MRTFB: variants seen among roughly 807,000 people sequenced by gnomAD.
The protein encoded by MRTFB is myocardin related transcription factor B, also known as myocardin-related transcription factor B.
A neutral mutation model predicts 104.2 loss-of-function variants in MRTFB; 29 were observed. The ratio of observed to expected loss-of-function variants is 0.28; its 90% CI spans 0.21 to 0.38. The LOEUF is 0.38. MRTFB is among the 10% of genes least tolerant of loss of function. The pLI, the probability that MRTFB is intolerant of heterozygous loss-of-function variation, is 1.00. For missense variants in MRTFB, 1,270 were observed against 1,341.6 expected, an observed-to-expected ratio of 0.95 and a Z score of 0.83; for synonymous variants, 535 against 519.5, an observed-to-expected ratio of 1.03 and a Z score of -0.41.
intron 8 of MRTFB, among the ~76,000 whole-genome samples, chr16:14,230,676 C>T (rs2042217913): frequency 6.6e-6 from 1 of 152,188 alleles, no homozygotes. Flanking sequence ...CACTTTTACA[C>T]TGTTGGTGGG....
chr16:14,177,511 T>C lies in MRTFB; in HGVS notation c.155-32732T>C, dbSNP rs555088196. 5.3e-5 allele frequency among the ~76,000 whole-genome samples: 8 copies of C among 152,308 alleles called. No individual in the cohort carries two copies. In the South Asian group the frequency reaches 1.7e-3, roughly 32 times the overall value. ...TGTGTCTTAAACTTAGATGATTTAG[T>C]CTTAAGTATAGCATATAATCTTAAA... On this transcript the variant is annotated intron_variant, in intron 3 of 16. Coordinates refer to ENST00000571589, the MANE Select transcript of MRTFB (RefSeq NM_001308142.2). The surrounding 1 kb of genome is among the most constrained non-coding windows in gnomAD (Gnocchi z 4.7).
In MRTFB at chr16:14,098,513, T is replaced by C. The variant is rs570436775; in HGVS notation, c.-64+19159T>C. 4.6e-5 allele frequency among the ~76,000 whole-genome samples: 7 copies of C among 152,338 alleles called. No homozygotes were observed. In the East Asian group the frequency reaches 9.6e-4, roughly 21 times the overall value. ...ATATTTTATCTCAGCCTATGACTTA[T>C]CTTTTCACCCTCTTAACATTCTTTC... On this transcript the variant is annotated intron_variant, in intron 2 of 16. Coordinates refer to ENST00000571589, the MANE Select transcript of MRTFB (RefSeq NM_001308142.2).
At chr16:14,117,120 C>A (rs1181311300) in intron 2 of MRTFB, among the ~76,000 whole-genome samples, 4 of 152,184 alleles carry the variant, frequency 2.6e-5, no homozygotes, top group Non-Finnish European at 5.9e-5. Context: ...ATAACTACTC[C>A]TTTTGCCTTT....
chr16:14,198,302 ATTTG>A (rs1350821331), intron 3 of MRTFB, among the ~76,000 whole-genome samples: 2 of 152,150 alleles, frequency 1.3e-5, no homozygotes, highest in East Asian at 1.9e-4. Flanking sequence ...GTGTACATGT[ATTTG>A]TTTGAGTACT....
At chr16:14,019,384 G>A in the MRTFB span, 1 of 152,192 alleles carries the variant, frequency 6.6e-6, no homozygotes, top group Admixed American at 6.5e-5. Context: ...ATTCTATGAA[G>A]CCAGCTGCTT....
At chr16:14,079,546 C>T (rs1239476154) in intron 2 of MRTFB, among the ~76,000 whole-genome samples, 192 bp downstream of exon 2, 1 of 152,120 alleles carries the variant, frequency 6.6e-6, no homozygotes, top group Non-Finnish European at 1.5e-5. Flanking sequence ...TTGACGTTCT[C>T]AACCTCTTCG....
intron 2 of MRTFB, among the ~76,000 whole-genome samples, chr16:14,113,320 A>G (rs951151515): frequency 1.3e-5 from 2 of 152,236 alleles, no homozygotes; most frequent in Non-Finnish European, 2.9e-5. Context: ...CTGGGATTAC[A>G]GGCGTGAGCC....
intron 3 of MRTFB, among the ~76,000 whole-genome samples, chr16:14,183,395 C>CA: frequency 6.6e-6 from 1 of 152,120 alleles, no homozygotes; most frequent in Non-Finnish European, 1.5e-5. Context: ...TTCAAGAACT[C>CA]AATGTCATAT....
intron 15 of MRTFB, among the ~76,000 whole-genome samples, chr16:14,257,491 T>C (rs2043548097): frequency 6.6e-6 from 1 of 151,822 alleles, no homozygotes; most frequent in Non-Finnish European, 1.5e-5. Context: ...AGCTAGTCCT[T>C]CCCCTACCAC....
chr16:14,017,971 C>G, the MRTFB span, among the ~76,000 whole-genome samples: 4 of 151,762 alleles, frequency 2.6e-5, no homozygotes, highest in Non-Finnish European at 5.9e-5. Flanking sequence ...ATCCTCCTGC[C>G]TCGACCTCCC....
At chr16:14,208,863 T>C (rs975031415) in intron 3 of MRTFB, among the ~76,000 whole-genome samples, 2 of 152,202 alleles carry the variant, frequency 1.3e-5, no homozygotes, top group African/African-American at 4.8e-5. Flanking sequence ...GTGCATATCT[T>C]TTTTAAAGAA....
intron 2 of MRTFB, among the ~76,000 whole-genome samples, chr16:14,133,358 G>A (rs867345873): frequency 5.9e-5 from 9 of 152,194 alleles, no homozygotes. Context: ...GGCATGATTC[G>A]TCAGGATTTC....
chr16:14,255,024 GA>G (rs113854228), intron 15 of MRTFB, among the ~76,000 whole-genome samples: 1 of 152,036 alleles, frequency 6.6e-6, no homozygotes, highest in Admixed American at 6.6e-5. Flanking sequence ...TATCTGAAAT[GA>G]AAAAAATATA....
At chr16:14,009,335 C>A in the MRTFB span, 2 of 152,144 alleles carry the variant, frequency 1.3e-5, no homozygotes, top group Non-Finnish European at 2.9e-5. Context: ...TATAGAAGAA[C>A]TACAGCTGGT....
chr16:14,130,866 GA>G (rs1306246004), intron 2 of MRTFB, among the ~76,000 whole-genome samples: 1 of 152,082 alleles, frequency 6.6e-6, no homozygotes, highest in Non-Finnish European at 1.5e-5. Context: ...AGCAAAGAGG[GA>G]AAAACACCTT....
intron 2 of MRTFB, among the ~76,000 whole-genome samples, chr16:14,083,992 A>G (rs1003536132): frequency 2.0e-5 from 3 of 152,314 alleles, no homozygotes; most frequent in African/African-American, 7.2e-5. Context: ...TGATATTCTT[A>G]CTAACGTGAA....
chr16:14,046,680 C>T, the MRTFB span, among the ~76,000 whole-genome samples: 1 of 152,302 alleles, frequency 6.6e-6, no homozygotes, highest in Admixed American at 6.5e-5. Context: ...CTTCCAACTG[C>T]CACGATCATG....
chr16:14,069,781 C>G (rs2033585771), upstream of MRTFB, among the ~76,000 whole-genome samples: 1 of 152,224 alleles, frequency 6.6e-6, no homozygotes, highest in African/African-American at 2.4e-5. Context: ...CTTGCCCAGC[C>G]TACATCTATC....
chr16:14,131,770 C>A (rs139663133), intron 2 of MRTFB, among the ~76,000 whole-genome samples: 1 of 142,452 alleles, frequency 7.0e-6, no homozygotes, highest in African/African-American at 3.0e-5. Flanking sequence ...ACAAGGATAA[C>A]TATAATTTAA....
Sources: gnomAD v4.1 joint callset for allele counts (sites outside exome capture counted in the v4.1 genomes callset) on GRCh38, gnomAD v4.1.1 for gene constraint, Gnocchi (gnomAD v3.1) non-coding constraint, MANE v1.5 for transcripts, NCBI Gene and HGNC (gene_info 2026-07-23, HGNC 2026-07-21) for gene names.